The following NAV2 variants were observed in gnomAD, a reference collection of about 807,000 sequenced individuals.
NAV2 encodes the protein neuron navigator 2.
NAV2 carries 54 observed loss-of-function variants against 223.2 expected under a neutral mutation model. The observed-to-expected ratio is 0.24, with a 90% CI of 0.19 to 0.30. NAV2 has a LOEUF of 0.30. NAV2 is among the 10% of genes least tolerant of loss of function. NAV2 has a pLI of 1.00. For synonymous variants in NAV2, 1,279 were observed against 1,239.3 expected, an observed-to-expected ratio of 1.03 and a Z score of -0.67; for missense variants, 2,806 against 3,147.5, an observed-to-expected ratio of 0.89 and a Z score of 2.60.
intron 19 of NAV2, among the ~76,000 whole-genome samples, chr11:20,058,080 C>A (rs2058475776): frequency 6.6e-6 from 1 of 152,138 alleles, no homozygotes; most frequent in African/African-American, 2.4e-5. Context: ...TTATTACATT[C>A]AAAAATAAAA....
At chr11:19,524,890 A>C (rs2134363992) in intron 1 of NAV2, among the ~76,000 whole-genome samples, 1 of 152,304 alleles carries the variant, frequency 6.6e-6, no homozygotes, top group Admixed American at 6.5e-5. Context: ...TTCAGCTAAC[A>C]GACACAGCTT....
chr11:20,048,616 G>A (rs908694919), intron 14 of NAV2, 112 bp from the exon 15 acceptor site: 3 of 891,024 alleles, frequency 3.4e-6, no homozygotes, highest in Admixed American at 2.3e-5. Flanking sequence ...AGGAATGGCT[G>A]TGCTTCCTTC....
intron 1 of NAV2, among the ~76,000 whole-genome samples, chr11:19,654,847 T>G (rs139482267): frequency 0.041 from 6,269 of 152,254 alleles, 192 homozygotes; most frequent in Admixed American, 0.072. Flanking sequence ...ACTTCATCTC[T>G]AAAACACCAA....
At chr11:19,932,789 T>C (rs1183375308) in intron 6 of NAV2, among the ~76,000 whole-genome samples, 1 of 152,224 alleles carries the variant, frequency 6.6e-6, no homozygotes, top group East Asian at 1.9e-4. Context: ...TTGCTTAAAG[T>C]TGGATAATTC....
chr11:19,674,504 C>A (rs1434958813), intron 1 of NAV2, among the ~76,000 whole-genome samples: 1 of 152,246 alleles, frequency 6.6e-6, no homozygotes, highest in Non-Finnish European at 1.5e-5. Flanking sequence ...CTGCTTTCTT[C>A]TCCCAGTTTT....
intron 1 of NAV2, among the ~76,000 whole-genome samples, chr11:19,609,558 T>C (rs891684168): frequency 1.3e-5 from 2 of 152,160 alleles, no homozygotes; most frequent in African/African-American, 4.8e-5. Context: ...CACCAGTTCA[T>C]TCATCCTGGC....
At chr11:19,831,685 G>A (rs561894411) in intron 1 of NAV2, among the ~76,000 whole-genome samples, 7 of 152,226 alleles carry the variant, frequency 4.6e-5, no homozygotes, top group Middle Eastern at 3.4e-3. Context: ...GGCCTGTTTC[G>A]AAAGAAAATA....
intron 11 of NAV2, among the ~76,000 whole-genome samples, chr11:19,991,213 C>G (rs1436953688): frequency 6.6e-6 from 1 of 152,218 alleles, no homozygotes; most frequent in Non-Finnish European, 1.5e-5. Flanking sequence ...ACTGCAACCT[C>G]CACCCCGGCT....
At chr11:19,743,699 A>T (rs2053067599) in intron 1 of NAV2, among the ~76,000 whole-genome samples, 1 of 152,264 alleles carries the variant, frequency 6.6e-6, no homozygotes, top group East Asian at 1.9e-4. Flanking sequence ...ATGTGACGGT[A>T]TCTGGACCTG....
chr11:19,546,619 C>T (rs1337112336), intron 1 of NAV2, among the ~76,000 whole-genome samples: 2 of 152,222 alleles, frequency 1.3e-5, no homozygotes, highest in African/African-American at 4.8e-5. Context: ...CTGTGAATCA[C>T]CCTAGGCTTT....
At chr11:19,438,910 G>C (rs1027146190) in intron 1 of NAV2, among the ~76,000 whole-genome samples, 1 of 151,106 alleles carries the variant, frequency 6.6e-6, no homozygotes, top group African/African-American at 2.4e-5. Flanking sequence ...TTTTTTTGTA[G>C]AGGTTTCATT....
At chr11:19,751,551 GTTA>G (rs1205754103) in intron 1 of NAV2, among the ~76,000 whole-genome samples, 2 of 152,120 alleles carry the variant, frequency 1.3e-5, no homozygotes, top group African/African-American at 4.8e-5. Context: ...ACTCAGGGCC[GTTA>G]TTGTTGTTCC....
chr11:19,949,278 T>C (rs546982252), intron 10 of NAV2, among the ~76,000 whole-genome samples, 198 bp downstream of exon 10: 20 of 152,332 alleles, frequency 1.3e-4, no homozygotes, highest in Admixed American at 2.0e-4. Context: ...AGTCCAGGCT[T>C]GGCCAGTAAA....
chr11:20,019,845 A>G (rs192392927), intron 11 of NAV2, among the ~76,000 whole-genome samples: 39 of 152,210 alleles, frequency 2.6e-4, no homozygotes, highest in South Asian at 6.3e-4. Context: ...TTTGGCAAGG[A>G]GGAAGCCATT....
intron 1 of NAV2, among the ~76,000 whole-genome samples, chr11:19,679,638 C>T (rs1178417195): frequency 6.6e-6 from 1 of 152,182 alleles, no homozygotes; most frequent in Non-Finnish European, 1.5e-5. Context: ...TCTCAAACAT[C>T]ACGTCCTTTA....
chr11:19,403,638 G>C (rs530839107), intron 1 of NAV2, among the ~76,000 whole-genome samples: 3 of 152,180 alleles, frequency 2.0e-5, no homozygotes, highest in Non-Finnish European at 2.9e-5. Context: ...CAATGTGTAT[G>C]GTAGGCACTG....
chr11:19,347,365 C>T (rs1325463869), upstream of NAV2, among the ~76,000 whole-genome samples: 1 of 152,176 alleles, frequency 6.6e-6, no homozygotes, highest in Non-Finnish European at 1.5e-5. Context: ...TTTTCCTGTA[C>T]CATCTATGTA....
chr11:19,878,869 T>G (rs2153084735), intron 4 of NAV2, among the ~76,000 whole-genome samples: 1 of 152,334 alleles, frequency 6.6e-6, no homozygotes, highest in South Asian at 2.1e-4. Context: ...CCTGTAAGTG[T>G]GCATTACCTA....
chr11:19,964,464 C>T (rs932463718), intron 10 of NAV2, among the ~76,000 whole-genome samples: 1 of 150,668 alleles, frequency 6.6e-6, no homozygotes, highest in Non-Finnish European at 1.5e-5. Flanking sequence ...AGGCACTGTG[C>T]TTTATATACA....
Sources: gnomAD v4.1 joint callset for allele counts (sites outside exome capture counted in the v4.1 genomes callset) on GRCh38, gnomAD v4.1.1 for gene constraint, MANE v1.5 for transcripts, NCBI Gene and HGNC (gene_info 2026-07-23, HGNC 2026-07-21) for gene names.